The following SCFD2 variants were observed in gnomAD, a reference collection of about 807,000 sequenced individuals.
SCFD2 encodes the protein sec1 family domain containing 2, also known as sec1 family domain-containing protein 2.
A neutral mutation model predicts 58.9 loss-of-function variants in SCFD2; 54 were observed. The observed-to-expected ratio is 0.92, with a 90% CI of 0.74 to 1.15. The LOEUF (loss-of-function observed/expected upper bound fraction) is 1.15, where lower values mean the gene tolerates loss of function less well. Ranked by LOEUF, SCFD2 falls within the 50% of genes most tolerant of loss-of-function variation. The probability of loss-of-function intolerance (pLI) is 0.00; values close to 1 mark genes in which losing one functional copy is unlikely to be tolerated. For synonymous variants in SCFD2, 321 were observed against 335.9 expected (o/e 0.96, Z 0.49); for missense variants, 805 against 836.6 (o/e 0.96, Z 0.47).
chr4:53,236,992 C>T (rs1262028403), intron 4 of SCFD2, among the ~76,000 whole-genome samples: 4 of 150,582 alleles, frequency 2.7e-5, no homozygotes, highest in Non-Finnish European at 4.5e-5. Flanking sequence ...TGCGGCCTTC[C>T]GCAGTGTTTG....
At chr4:53,073,131 T>C (rs1222862313) in intron 5 of SCFD2, among the ~76,000 whole-genome samples, 7 of 152,176 alleles carry the variant, frequency 4.6e-5, no homozygotes, top group Non-Finnish European at 1.5e-5. Flanking sequence ...ACTATTTATA[T>C]AGCATTTTCC....
At chr4:53,173,116 T>A (rs767187539) in intron 4 of SCFD2, among the ~76,000 whole-genome samples, 11 of 152,206 alleles carry the variant, frequency 7.2e-5, no homozygotes, top group Non-Finnish European at 1.5e-4. Context: ...TTTGTCTCTT[T>A]ACAGTTTTTG....
intron 5 of SCFD2, among the ~76,000 whole-genome samples, chr4:53,084,001 A>G (rs1318271864): frequency 6.6e-6 from 1 of 152,208 alleles, no homozygotes; most frequent in Non-Finnish European, 1.5e-5. Context: ...ATAAGGGTCT[A>G]TGTTCAGAGG....
At chr4:53,314,196 A>G (rs1732787523) in intron 2 of SCFD2, among the ~76,000 whole-genome samples, 1 of 152,242 alleles carries the variant, frequency 6.6e-6, no homozygotes, top group Non-Finnish European at 1.5e-5. Context: ...CCAAGAAACA[A>G]AGCAATCAGC....
rs112581625 is a variant in SCFD2, at chr4:53,362,583, T to A, written c.838+2521A>T. Among the ~76,000 whole-genome samples, 1,031 of 152,176 alleles carry A rather than the reference T, an allele frequency of 6.8e-3. 16 individuals carry two copies. Among genetic ancestry groups the A allele is most frequent in the African/African-American group, 0.024 (997 of 41,506 alleles). Reference sequence around the variant, plus strand: ...AAACAAAGGAAGTTTCTGGGAAGTATTGGAAAATAAAACTCTAACTGGAGT... The same window carrying A: ...AAACAAAGGAAGTTTCTGGGAAGTAATGGAAAATAAAACTCTAACTGGAGT... On this transcript the variant is annotated intron_variant, in intron 1 of 8. Coordinates refer to ENST00000401642, the MANE Select transcript of SCFD2 (RefSeq NM_152540.4).
intron 4 of SCFD2, among the ~76,000 whole-genome samples, chr4:53,228,647 A>C (rs2149003683): frequency 6.6e-6 from 1 of 152,268 alleles, no homozygotes. Flanking sequence ...ATTTATGACA[A>C]ACCCACAGCC....
intron 4 of SCFD2, among the ~76,000 whole-genome samples, chr4:53,180,613 C>T (rs1057366241): frequency 1.3e-5 from 2 of 152,102 alleles, no homozygotes; most frequent in African/African-American, 4.8e-5. Context: ...AGAGCAAACA[C>T]ATTCAAAAGT....
At chr4:53,133,252 C>T (rs560299823) in intron 5 of SCFD2, among the ~76,000 whole-genome samples, 25 of 148,800 alleles carry the variant, frequency 1.7e-4, no homozygotes, top group Admixed American at 8.1e-4. Flanking sequence ...GGCGTGAACC[C>T]GGGAGGCGGA....
chr4:53,214,739 T>C (rs191743384), intron 4 of SCFD2, among the ~76,000 whole-genome samples: 3 of 152,106 alleles, frequency 2.0e-5, no homozygotes, highest in Non-Finnish European at 2.9e-5. Flanking sequence ...TGCCTATGCC[T>C]TGAATGGTAT....
At chr4:52,921,277 T>C (rs377724762) in intron 5 of SCFD2, among the ~76,000 whole-genome samples, 4 of 152,224 alleles carry the variant, frequency 2.6e-5, no homozygotes, top group South Asian at 2.1e-4. Flanking sequence ...ATCCCACCAA[T>C]AGTTTCCATA....
intron 2 of SCFD2, among the ~76,000 whole-genome samples, chr4:53,350,401 G>C (rs957444922): frequency 8.5e-5 from 13 of 152,116 alleles, no homozygotes; most frequent in African/African-American, 2.7e-4. Context: ...GCCTTAAACA[G>C]GTTTTTCCTG....
At chr4:53,072,806 T>TAAAC (rs747611763) in intron 5 of SCFD2, among the ~76,000 whole-genome samples, 29,518 of 151,978 alleles carry the variant, frequency 0.19, 3,455 homozygotes, top group Non-Finnish European at 0.27. Flanking sequence ...TTCTCTTTCT[T>TAAAC]TCACCTAGTA....
chr4:53,297,762 C>A (rs570845967), intron 3 of SCFD2, among the ~76,000 whole-genome samples: 2 of 152,168 alleles, frequency 1.3e-5, no homozygotes, highest in African/African-American at 2.4e-5. Context: ...ATGGTCTTTA[C>A]AATGTGGCAT....
chr4:53,329,655 C>A (rs1310358900), intron 2 of SCFD2, among the ~76,000 whole-genome samples: 2 of 152,170 alleles, frequency 1.3e-5, no homozygotes, highest in African/African-American at 2.4e-5. Flanking sequence ...AAAAACAGAA[C>A]AGAAAAAGTA....
rs148024884 is a variant in SCFD2 at position 53,052,567 on chromosome 4, G to A, written c.1561+92766C>T. On this transcript the variant is annotated intron_variant, in intron 5 of 8. Coordinates refer to ENST00000401642, the MANE Select transcript of SCFD2 (RefSeq NM_152540.4). ...ATTGATCTTCCCTTGAGATGTTTGC[G>A]ATCTTAAATTTTCCAGCTACTGACA... Among the ~76,000 whole-genome samples the A allele has an allele frequency of 3.4e-3, 514 of 152,266 alleles. 3 individuals carry two copies. Among genetic ancestry groups the A allele is most frequent in the African/African-American group, 0.012 (506 of 41,542 alleles).
At chr4:52,989,984 C>T (rs558619043) in intron 5 of SCFD2, among the ~76,000 whole-genome samples, 1 of 152,338 alleles carries the variant, frequency 6.6e-6, no homozygotes, top group Admixed American at 6.5e-5. Flanking sequence ...TTCAACTTTT[C>T]CTCATTACTG....
In SCFD2 at chr4:52,900,166, C is replaced by T. The variant is rs572823164; in HGVS notation, c.1842+7291G>A. 1.3e-3 allele frequency among the ~76,000 whole-genome samples: 199 copies of T among 152,312 alleles called. 1 individual carries two copies. Among genetic ancestry groups the T allele is most frequent in the Non-Finnish European group, 2.4e-3 (163 of 68,036 alleles). ...CTCTCAACTCGTCAAAGTCATTCTC[C>T]GTCCAGTTTTGTTCCGTTGCTGGTG... On this transcript the variant is annotated intron_variant, in intron 7 of 8. Coordinates refer to ENST00000401642, the MANE Select transcript of SCFD2 (RefSeq NM_152540.4).
At chr4:53,229,226 C>T (rs965529012) in intron 4 of SCFD2, among the ~76,000 whole-genome samples, 3 of 152,158 alleles carry the variant, frequency 2.0e-5, no homozygotes, top group African/African-American at 7.2e-5. Context: ...ATGCCATCCC[C>T]ATCAAGCTAC....
intron 4 of SCFD2, among the ~76,000 whole-genome samples, chr4:53,238,169 C>G (rs1729730931): frequency 7.2e-6 from 1 of 139,644 alleles, no homozygotes; most frequent in African/African-American, 2.7e-5. Context: ...GGTGGCTGGC[C>G]GGGCGGGGGG....
Sources: gnomAD v4.1 joint callset for allele counts (sites outside exome capture counted in the v4.1 genomes callset) on GRCh38, gnomAD v4.1.1 for gene constraint, MANE v1.5 for transcripts, NCBI Gene and HGNC (gene_info 2026-07-23, HGNC 2026-07-21) for gene names.